CDC14B: variants seen among roughly 807,000 people sequenced by gnomAD.
The protein encoded by CDC14B is cell division cycle 14B, also known as dual specificity protein phosphatase CDC14B.
CDC14B carries 22 observed loss-of-function variants against 64.2 expected under a neutral mutation model. The ratio of observed to expected loss-of-function variants is 0.34; its 90% CI spans 0.24 to 0.49. CDC14B has a LOEUF of 0.49. Among genes scored for constraint, CDC14B ranks in the 20% least tolerant of loss-of-function variants. CDC14B has a pLI of 0.99. For synonymous variants in CDC14B, 191 were observed against 215.8 expected (o/e 0.89, Z 1.01); for missense variants, 498 against 629.9 (o/e 0.79, Z 2.24).
chr9:96,585,666 G>C (rs932428155), intron 1 of CDC14B, among the ~76,000 whole-genome samples: 4 of 152,154 alleles, frequency 2.6e-5, no homozygotes, highest in African/African-American at 9.7e-5. Context: ...ATTGCTAATG[G>C]AATGTAAAAT....
chr9:96,583,039 G>C (rs903566550), intron 1 of CDC14B, among the ~76,000 whole-genome samples: 1 of 152,186 alleles, frequency 6.6e-6, no homozygotes, highest in Non-Finnish European at 1.5e-5. Flanking sequence ...CATTATTAAA[G>C]CAGGGAGTCA....
chr9:96,546,791 G>A (rs895907669), intron 5 of CDC14B, among the ~76,000 whole-genome samples: 7 of 151,848 alleles, frequency 4.6e-5, no homozygotes, highest in African/African-American at 7.2e-5. Flanking sequence ...GGCCGGGCTC[G>A]GTGGCTCATG....
chr9:96,582,761 T>G (rs1391811902), intron 1 of CDC14B, among the ~76,000 whole-genome samples: 1 of 152,244 alleles, frequency 6.6e-6, no homozygotes. Flanking sequence ...AAGACCTTAG[T>G]TTCCTGTGTC....
exon 14 of CDC14B, chr9:96,492,867 C>T (rs1264497641): frequency 1.3e-5 from 2 of 152,300 alleles, no homozygotes; most frequent in Non-Finnish European, 2.9e-5. Context: ...AGGCTGGACA[C>T]ACTGCTGCCG....
intron 4 of CDC14B, among the ~76,000 whole-genome samples, chr9:96,553,613 G>A (rs528974297): frequency 5.3e-5 from 8 of 151,786 alleles, no homozygotes; most frequent in Middle Eastern, 3.4e-3. Context: ...CGCCTGCCTC[G>A]GCCTCCCAAA....
chr9:96,526,235 G>C (rs1837539088), intron 9 of CDC14B, among the ~76,000 whole-genome samples: 1 of 152,154 alleles, frequency 6.6e-6, no homozygotes, highest in Non-Finnish European at 1.5e-5. Context: ...GGGCGTGGTG[G>C]CAGGCACCTG....
intron 13 of CDC14B, among the ~76,000 whole-genome samples, chr9:96,494,748 TCCTCC>T (rs960811427): frequency 6.4e-5 from 9 of 140,212 alleles, no homozygotes; most frequent in African/African-American, 1.6e-4. Flanking sequence ...TTCCTTTTCT[TCCTCC>T]CCTCCCCTCC....
rs1254525544 is a variant in CDC14B at position 96,560,281 on chromosome 9, G to A, written c.420+2412C>T. The stretch of plus-strand genomic sequence containing the variant: ...TTCTGCTCAGGAGCACTCTCTCCTA[G>A]ATGGAACTTCAGCCATCCAGACTTT... On this transcript the variant is annotated intron_variant, in intron 4 of 13. Transcript: ENST00000375241. Among the ~76,000 whole-genome samples, 3 of 152,128 alleles carry A rather than the reference G, an allele frequency of 2.0e-5. No individual in the cohort carries two copies. In the East Asian group the frequency reaches 5.8e-4, roughly 29 times the overall value.
At position 96,501,984 on chromosome 9, in the gene CDC14B, T is replaced by G. The variant is rs1436762506; in HGVS notation, c.*1769A>C. On this transcript the variant is annotated 3_prime_UTR_variant, in exon 14 of 14. Coordinates refer to ENST00000375241, the MANE Select transcript of CDC14B (RefSeq NM_033331.4). ...AGGGGAAGAAGAGGTGCCCTGAGAA[T>G]TCAATGCTTTATGCATGGCACAGTT... The G allele has an allele frequency of 6.6e-6, 1 of 152,202 alleles. No homozygotes were observed. Among genetic ancestry groups the G allele is most frequent in the Non-Finnish European group, 1.5e-5 (1 of 68,046 alleles). 9.4% of individuals were successfully genotyped at this position (152,202 alleles called of 1,614,324 possible). A position where few individuals can be genotyped will look rare whatever the true frequency, so the allele number is the denominator to read the frequency against.
chr9:96,547,663 G>T (rs1024055009), intron 5 of CDC14B, among the ~76,000 whole-genome samples: 3 of 151,950 alleles, frequency 2.0e-5, no homozygotes, highest in Non-Finnish European at 2.9e-5. Flanking sequence ...ATGCTGCAAG[G>T]CTGATCTTCC....
At chr9:96,560,581 T>TC (rs1843012578) in intron 4 of CDC14B, among the ~76,000 whole-genome samples, 1 of 143,014 alleles carries the variant, frequency 7.0e-6, no homozygotes. Context: ...CTTTTCTCTT[T>TC]CTCTTTTTTT....
At chr9:96,595,882 T>C (rs907505570) in intron 1 of CDC14B, among the ~76,000 whole-genome samples, 1 of 152,126 alleles carries the variant, frequency 6.6e-6, no homozygotes, top group Non-Finnish European at 1.5e-5. Flanking sequence ...AATCAGATCA[T>C]GGTAACAGGT....
intron 4 of CDC14B, among the ~76,000 whole-genome samples, chr9:96,559,741 C>T (rs1310059118): frequency 6.6e-6 from 1 of 152,202 alleles, no homozygotes; most frequent in East Asian, 1.9e-4. Flanking sequence ...CAAGCTAGCT[C>T]CTCACTGGGT....
intron 1 of CDC14B, among the ~76,000 whole-genome samples, chr9:96,613,885 A>G (rs1847467535): frequency 6.6e-6 from 1 of 152,252 alleles, no homozygotes; most frequent in African/African-American, 2.4e-5. Context: ...CATAGTAAGC[A>G]TGCAATAAAT....
chr9:96,521,132 C>T (rs1480265402), intron 12 of CDC14B, among the ~76,000 whole-genome samples: 2 of 152,166 alleles, frequency 1.3e-5, no homozygotes, highest in African/African-American at 2.4e-5. Context: ...TGCAATGGCA[C>T]GATCTCGGCT....
At chr9:96,596,132 G>T (rs573877350) in intron 1 of CDC14B, among the ~76,000 whole-genome samples, 2 of 152,198 alleles carry the variant, frequency 1.3e-5, no homozygotes, top group South Asian at 4.2e-4. Flanking sequence ...GGGAGGCTGA[G>T]GGGGGCAGAT....
intron 1 of CDC14B, among the ~76,000 whole-genome samples, chr9:96,584,871 G>C (rs1027304837): frequency 6.6e-6 from 1 of 152,104 alleles, no homozygotes; most frequent in Non-Finnish European, 1.5e-5. Flanking sequence ...GGTCAGGCTG[G>C]TCTCGAACTC....
chr9:96,594,340 G>A (rs1001907120), intron 1 of CDC14B, among the ~76,000 whole-genome samples: 1 of 152,150 alleles, frequency 6.6e-6, no homozygotes, highest in Non-Finnish European at 1.5e-5. Context: ...ACAGAATAGA[G>A]AACCCTAGAG....
chr9:96,498,010 C>T (rs895253719), downstream of CDC14B, among the ~76,000 whole-genome samples: 1 of 152,158 alleles, frequency 6.6e-6, no homozygotes, highest in Admixed American at 6.5e-5. Flanking sequence ...AAGAATTTAT[C>T]CTAAGGAAAT....
Sources: allele counts gnomAD v4.1 joint callset (sites outside exome capture counted in the v4.1 genomes callset), GRCh38; gene constraint gnomAD v4.1.1; transcripts MANE v1.5; gene names NCBI Gene and HGNC (gene_info 2026-07-23, HGNC 2026-07-21).